The following OGG1 variants were observed in gnomAD, a reference collection of about 807,000 sequenced individuals.
OGG1 encodes the protein N-glycosylase/DNA lyase.
Under a neutral mutation model 42.3 loss-of-function variants are expected in OGG1, and 35 were observed. The observed-to-expected ratio is 0.83, with a 90% CI of 0.63 to 1.10. The LOEUF (loss-of-function observed/expected upper bound fraction) is 1.10, where lower values mean the gene tolerates loss of function less well. OGG1 is among the 50% of genes least tolerant of loss of function. The pLI is 0.00. For missense variants in OGG1, 484 were observed against 446.7 expected, an observed-to-expected ratio of 1.08 and a Z score of -0.75; for synonymous variants, 189 against 179.0, an observed-to-expected ratio of 1.06 and a Z score of -0.44.
At chr3:9,758,671 C>G (rs1354497426), downstream of OGG1, 3 of 159,380 alleles carry the variant, frequency 1.9e-5, no homozygotes, top group African/African-American at 7.2e-5. Context: ...ACTTTGTTGC[C>G]CAGGCTGGAG....
downstream of OGG1, chr3:9,757,479 G>C: frequency 1.9e-6 from 3 of 1,603,344 alleles, no homozygotes; most frequent in Non-Finnish European, 2.6e-6. The surrounding 1 kb of genome is among the most constrained non-coding windows in gnomAD (Gnocchi z 4.5). Flanking sequence ...AGGGAGGGAA[G>C]GGGAGCAGGC....
intron 7 of OGG1, among the ~76,000 whole-genome samples, chr3:9,764,610 CGTTTTTGTTTTTTTTTT>C (rs2078050550): frequency 2.3e-5 from 3 of 130,398 alleles, no homozygotes; most frequent in East Asian, 3.0e-4. Flanking sequence ...CTGCGCCTGG[CGTTTTTGTTTTTTTTTT>C]GTTTTTTTTT....
At chr3:9,777,589 AT>A (rs2078381048) in intron 2 of OGG1, among the ~76,000 whole-genome samples, 1 of 152,124 alleles carries the variant, frequency 6.6e-6, no homozygotes, top group Non-Finnish European at 1.5e-5. Context: ...TGCCAGGCAG[AT>A]AGTAGGTATG....
chr3:9,786,099 C>T (rs949137262), intron 3 of OGG1, among the ~76,000 whole-genome samples: 4 of 152,242 alleles, frequency 2.6e-5, no homozygotes, highest in Non-Finnish European at 5.9e-5. Flanking sequence ...CCACTATGCC[C>T]GGCTAATTTT....
chr3:9,751,638 C>A lies in OGG1; in HGVS notation c.386-132C>A, dbSNP rs1281517065. 3.5e-6 allele frequency: 3 copies of A among 859,034 alleles called. No individual in the cohort carries two copies. In the African/African-American group the frequency reaches 5.0e-5, roughly 14 times the overall value. 53.2% of individuals were successfully genotyped at this position (859,034 alleles called of 1,614,324 possible). A position where few individuals can be genotyped will look rare whatever the true frequency, so the allele number is the denominator to read the frequency against. On this transcript the variant is annotated intron_variant, in intron 2 of 6. Coordinates refer to ENST00000344629, the MANE Select transcript of OGG1 (RefSeq NM_002542.6). ...GGAATGAGAGGTCTGGTGTTGCTTT[C>A]TCTAACGGTGCTGACTCTCATTCTC...
At chr3:9,757,491 G>A (rs1559691160), downstream of OGG1, 2 of 1,603,516 alleles carry the variant, frequency 1.2e-6, no homozygotes, top group Admixed American at 1.7e-5. The surrounding 1 kb of genome is among the most constrained non-coding windows in gnomAD (Gnocchi z 4.5). Flanking sequence ...GGAGCAGGCT[G>A]CCCCCAAGCC....
Position 9,757,008 on chromosome 3 carries a change from C to T in OGG1, c.949-53C>T, listed in dbSNP as rs368493923. On this transcript the variant is annotated intron_variant, in intron 6 of 6. Coordinates refer to ENST00000344629, the MANE Select transcript of OGG1 (RefSeq NM_002542.6). This position sits in a 1 kb window ranked among gnomAD's most constrained non-coding sequence, Gnocchi z 4.5. The stretch of plus-strand genomic sequence containing the variant: ...CTCCCAACACTGTCACTAGTCTCAC[C>T]AGCCCTGACCCCAGTGTACCCTCCT... 3.2e-5 allele frequency: 52 copies of T among 1,613,454 alleles called. 3 individuals are homozygous for T. The African/African-American group carries it at 4.0e-4, about 12-fold the overall frequency.
downstream of OGG1, chr3:9,759,088 CT>C: frequency 9.9e-7 from 1 of 1,005,312 alleles, no homozygotes; most frequent in Non-Finnish European, 1.6e-6. Context: ...TCTCAGTCCC[CT>C]CAGCCCCTCC....
At chr3:9,769,321 C>G (rs1014483045), downstream of OGG1, among the ~76,000 whole-genome samples, 5 of 152,080 alleles carry the variant, frequency 3.3e-5, no homozygotes, top group Non-Finnish European at 5.9e-5. Context: ...CTGGAAGCTC[C>G]TGTATTCCAA....
chr3:9,760,574 G>T, downstream of OGG1: 1 of 1,405,816 alleles, frequency 7.1e-7, no homozygotes, highest in South Asian at 1.2e-5. Context: ...ACAGAAGGAA[G>T]GCAGGAGGGA....
intron 3 of OGG1, among the ~76,000 whole-genome samples, chr3:9,782,705 T>G: frequency 6.6e-6 from 1 of 150,490 alleles, no homozygotes; most frequent in East Asian, 2.0e-4. Flanking sequence ...GCAGGAGAAC[T>G]GCCTGAACCC....
chr3:9,780,148 A>T, intron 2 of OGG1: 1 of 490,750 alleles, frequency 2.0e-6, no homozygotes, highest in South Asian at 3.8e-5. Context: ...CCAAGCAGAG[A>T]CTAGGCCTCA....
At chr3:9,781,924 T>C (rs537879812) in intron 3 of OGG1, among the ~76,000 whole-genome samples, 3 of 142,534 alleles carry the variant, frequency 2.1e-5, no homozygotes, top group South Asian at 2.4e-4. Context: ...CTGCAGCCTC[T>C]ACCTCCCAGG....
chr3:9,754,771 TGCCCG>T lies in OGG1; in HGVS notation c.634_638del (p.Ala212SerfsTer21). The T allele has an allele frequency of 6.2e-7, 1 of 1,614,058 alleles. No homozygotes were observed. Among genetic ancestry groups the T allele is most frequent in the African/African-American group, 1.3e-5 (1 of 75,056 alleles). ...ATCGTGCCCGTTACGTGAGTGCCAG[TGCCCG>T]AGCCATCCTGGAAGAACAGGGCGGG... On this transcript the variant is annotated frameshift_variant, in exon 4 of 7. Coordinates refer to ENST00000344629, the MANE Select transcript of OGG1 (RefSeq NM_002542.6). LOFTEE classifies it high-confidence loss of function.
chr3:9,768,421 TG>T (rs757247971), downstream of OGG1, among the ~76,000 whole-genome samples: 7 of 152,346 alleles, frequency 4.6e-5, no homozygotes, highest in African/African-American at 7.2e-5. Context: ...TGTCCCTTCC[TG>T]GCCCCATCTA....
In OGG1 at chr3:9,776,685, G is replaced by C. The variant is rs796481544; in HGVS notation, c.295-4828G>C. Among the ~76,000 whole-genome samples the C allele has an allele frequency of 1.2e-4, 18 of 152,228 alleles. No individual in the cohort carries two copies. The South Asian group carries it at 3.5e-3, about 30-fold the overall frequency. On this transcript the variant is annotated intron_variant, in intron 2 of 3. Coordinates refer to the OGG1 transcript ENST00000426518. ...ATTACAGGCGTGAGCCACCGTGCCC[G>C]GCCTGCAGTCTTCTTATTGCTCTTG...
At chr3:9,763,139 A>T in intron 7 of OGG1, 1 of 1,614,170 alleles carries the variant, frequency 6.2e-7, no homozygotes, top group Non-Finnish European at 8.5e-7. Context: ...GGCCACTCAC[A>T]GCTGCATGAT....
At chr3:9,757,821 A>T (rs762951024), downstream of OGG1, 1 of 1,610,372 alleles carries the variant, frequency 6.2e-7, no homozygotes, top group Non-Finnish European at 8.5e-7. The surrounding 1 kb of genome is among the most constrained non-coding windows in gnomAD (Gnocchi z 4.5). Context: ...CATGTGCCGC[A>T]CCACAGCCGT....
At chr3:9,753,958 T>G (rs941565623) in intron 3 of OGG1, among the ~76,000 whole-genome samples, 4 of 152,138 alleles carry the variant, frequency 2.6e-5, no homozygotes, top group African/African-American at 9.7e-5. Context: ...GGCAACATAG[T>G]GAGACCTCAT....
Sources: gnomAD v4.1 joint callset for allele counts (sites outside exome capture counted in the v4.1 genomes callset) on GRCh38, gnomAD v4.1.1 for gene constraint, Gnocchi (gnomAD v3.1) non-coding constraint, MANE v1.5 for transcripts, NCBI Gene and HGNC (gene_info 2026-07-23, HGNC 2026-07-21) for gene names.